Variants in STK31 observed in about 807,000 individuals in gnomAD.
STK31 encodes the protein serine/threonine-protein kinase 31.
Under a neutral mutation model 129.7 loss-of-function variants are expected in STK31, and 89 were observed. That is an observed-to-expected ratio of 0.69 (90% confidence interval 0.58 to 0.82). The LOEUF (loss-of-function observed/expected upper bound fraction) is 0.82, where lower values mean the gene tolerates loss of function less well. Among genes scored for constraint, STK31 ranks in the 40% least tolerant of loss-of-function variants. The pLI, the probability that STK31 is intolerant of heterozygous loss-of-function variation, is 0.00. For synonymous variants in STK31, 448 were observed against 395.3 expected (o/e 1.13, Z -1.58); for missense variants, 1,187 against 1,176.4 (o/e 1.01, Z -0.13).
chr7:23,747,752 G>A (rs962319336), intron 8 of STK31, among the ~76,000 whole-genome samples: 8 of 152,140 alleles, frequency 5.3e-5, no homozygotes, highest in Non-Finnish European at 8.8e-5. Flanking sequence ...AAATTTGTGG[G>A]ACTTGAGTTG....
At chr7:23,781,752 A>C (rs534863909) in intron 16 of STK31, among the ~76,000 whole-genome samples, 1 of 152,340 alleles carries the variant, frequency 6.6e-6, no homozygotes, top group East Asian at 1.9e-4. Context: ...AGAAGGAAAA[A>C]CATCACTTGT....
rs36053082 is a variant in STK31 at position 23,733,393 on chromosome 7, C to CT, written c.484-2128dup. Among the ~76,000 whole-genome samples the CT allele has an allele frequency of 1.0e-2, 1,255 of 125,732 alleles. 20 individuals are homozygous for CT. The highest frequency in any genetic ancestry group is 0.031 in the African/African-American group (1,044 of 33,930). 82.5% of individuals were successfully genotyped at this position (125,732 alleles called of 152,430 possible). On this transcript the variant is annotated intron_variant, in intron 6 of 23. Coordinates refer to ENST00000355870, the MANE Select transcript of STK31 (RefSeq NM_031414.5). ...ATAGCAAGACCCCATCTAAAAAATT[C>CT]TTTTTTTTTTTTTTTTTGGGTAGTG... is the stretch of plus-strand genomic sequence containing the variant.
rs1174158138 is a variant in STK31, at chr7:23,814,163, T to TTTTTTTTTTTTTTTTG, written c.2761-980_2761-979insTTTTTTTTTTTTTTGT. 2.0e-4 allele frequency among the ~76,000 whole-genome samples: 30 copies of TTTTTTTTTTTTTTTTG among 148,870 alleles called. 3 individuals are homozygous for TTTTTTTTTTTTTTTTG. Among genetic ancestry groups the TTTTTTTTTTTTTTTTG allele is most frequent in the Non-Finnish European group, 2.8e-4 (19 of 67,412 alleles). On this transcript the variant is annotated intron_variant, in intron 22 of 23. Coordinates refer to ENST00000355870, the MANE Select transcript of STK31 (RefSeq NM_031414.5). ...CTGGCTCACTTATTTTTTTTTTTTT[T>TTTTTTTTTTTTTTTTG]TCAGTTGGGAGGGTTATAAGACAAC...
At chr7:23,749,516 CTTT>C (rs751693855) in intron 8 of STK31, among the ~76,000 whole-genome samples, 45 of 130,808 alleles carry the variant, frequency 3.4e-4, no homozygotes, top group Non-Finnish European at 6.3e-4. Context: ...CTAATTTTTG[CTTT>C]TTTTTTTTTT....
intron 15 of STK31, among the ~76,000 whole-genome samples, chr7:23,773,717 TTGTGTGTG>T (rs1161112664): frequency 7.2e-6 from 1 of 138,462 alleles, no homozygotes; most frequent in Admixed American, 7.8e-5. Flanking sequence ...GTTTCCTGAC[TTGTGTGTG>T]TGTGTGTGAG....
intron 8 of STK31, 147 bp from the exon 9 acceptor site, chr7:23,752,570 A>G: frequency 3.1e-6 from 2 of 642,814 alleles, no homozygotes. Flanking sequence ...CAAACTTCTG[A>G]GCTCAAACCA....
At chr7:23,758,736 C>T (rs12700463) in intron 10 of STK31, among the ~76,000 whole-genome samples, 2 of 152,046 alleles carry the variant, frequency 1.3e-5, no homozygotes, top group African/African-American at 4.8e-5. Flanking sequence ...TACCCTGGAG[C>T]CATTCAGGAG....
intron 22 of STK31, among the ~76,000 whole-genome samples, chr7:23,809,102 CCTT>C (rs1792922499): frequency 6.6e-6 from 1 of 151,868 alleles, no homozygotes; most frequent in African/African-American, 2.4e-5. Context: ...AGCTACTTCA[CCTT>C]CTTCTTTCCA....
upstream of STK31, chr7:23,710,214 C>T (rs1041267328): frequency 4.3e-6 from 7 of 1,609,890 alleles, no homozygotes; most frequent in South Asian, 3.3e-5. Flanking sequence ...CAGTGTGGGG[C>T]CCTTGCGGTC....
rs1790159837 is a variant in STK31, at chr7:23,771,096, T to C, written c.1805T>C (p.Val602Ala). ...IHSEERLIAT[V>A]QAKYKDSIEF... is the part of the protein sequence containing the mutation. Reference sequence around the variant, plus strand: ...TCAGAGGAAAGGCTCATTGCCACAGTACAAGCTAAGTACAAGGACAGTATT... The same window carrying C: ...TCAGAGGAAAGGCTCATTGCCACAGCACAAGCTAAGTACAAGGACAGTATT... The change falls in exon 14 of 24, where the codon GTA becomes GCA. Residue 602 changes from valine (V) to alanine (A), a missense_variant. Physicochemically the swap from Val to Ala is moderately conservative, Grantham distance 64. Transcript: ENST00000355870. 1 of 1,612,420 alleles carries C rather than the reference T, an allele frequency of 6.2e-7. No homozygotes were observed. Among genetic ancestry groups the C allele is most frequent in the Non-Finnish European group, 8.5e-7 (1 of 1,179,224 alleles).
Position 23,788,016 on chromosome 7 carries a change from C to T in STK31, c.2524C>T (p.Leu842=), listed in dbSNP as rs1414069885. Residue 842 remains leucine (L), a synonymous_variant, in exon 21 of 24, where the codon CTG becomes TTG. Coordinates refer to ENST00000355870, the MANE Select transcript of STK31 (RefSeq NM_031414.5). ...GGTCATGAAAGGTGTTGCCCAGGGT[C>T]TGCATACATTGCATAAGGCTGACAT... is the stretch of plus-strand genomic sequence containing the variant. ...LKVMKGVAQG[L]HTLHKADIIH... The T allele has an allele frequency of 9.3e-6, 15 of 1,608,262 alleles. No homozygotes were observed. The highest frequency in any genetic ancestry group is 1.3e-5 in the Non-Finnish European group (15 of 1,177,256).
chr7:23,775,537 T>G (rs1356537130), intron 15 of STK31, among the ~76,000 whole-genome samples: 1 of 152,178 alleles, frequency 6.6e-6, no homozygotes, highest in Non-Finnish European at 1.5e-5. Context: ...CTTGAAGAGG[T>G]CCTTCACATA....
chr7:23,792,625 AT>A (rs1791708595), intron 22 of STK31, among the ~76,000 whole-genome samples: 1 of 152,226 alleles, frequency 6.6e-6, no homozygotes, highest in Non-Finnish European at 1.5e-5. Flanking sequence ...TACAATTAAT[AT>A]AAAAATGGAG....
intron 22 of STK31, among the ~76,000 whole-genome samples, chr7:23,797,597 G>A (rs1170883388): frequency 6.6e-6 from 1 of 152,186 alleles, no homozygotes; most frequent in Non-Finnish European, 1.5e-5. Flanking sequence ...GAATCTCTGG[G>A]ACACAGCTAA....
At chr7:23,775,348 T>A (rs1790470586) in intron 15 of STK31, among the ~76,000 whole-genome samples, 1 of 152,182 alleles carries the variant, frequency 6.6e-6, no homozygotes, top group Admixed American at 6.5e-5. Flanking sequence ...AAAGTAGTTT[T>A]AAAAAAATTC....
chr7:23,820,104 T>C (rs1053240562), intron 23 of STK31, among the ~76,000 whole-genome samples: 7 of 152,226 alleles, frequency 4.6e-5, no homozygotes, highest in African/African-American at 1.2e-4. Context: ...AGATTTCAGC[T>C]ATGATTTTTT....
rs1212633244 is a variant in STK31 at position 23,762,818 on chromosome 7, G to A, written c.1311G>A (p.Leu437=). 6.2e-7 allele frequency: 1 copy of A among 1,608,948 alleles called. No individual in the cohort carries two copies. Among genetic ancestry groups the A allele is most frequent in the South Asian group, 1.1e-5 (1 of 89,438 alleles). The change falls in exon 11 of 24, where the codon TTG becomes TTA. Residue 437 remains leucine, a synonymous_variant. Coordinates refer to ENST00000355870, the MANE Select transcript of STK31 (RefSeq NM_031414.5). ...TCEYVSEGNI[L]IAQRNEMQQK... ...TCCTCCAGAGTGAAGGGAATATTTT[G>A]ATTGCCCAAAGAAATGAAATGCAGC... is the stretch of plus-strand genomic sequence containing the variant.
At chr7:23,765,046 T>C (rs1280326649) in intron 11 of STK31, among the ~76,000 whole-genome samples, 2 of 151,942 alleles carry the variant, frequency 1.3e-5, no homozygotes, top group Non-Finnish European at 2.9e-5. Flanking sequence ...TTTTTTCTAT[T>C]TTTATTTTAT....
At chr7:23,765,086 C>T (rs935327715) in intron 11 of STK31, among the ~76,000 whole-genome samples, 1 of 151,930 alleles carries the variant, frequency 6.6e-6, no homozygotes, top group Non-Finnish European at 1.5e-5. Context: ...GATGGAGTCT[C>T]GCTCTGTCGC....
Sources: gnomAD v4.1 joint callset for allele counts (sites outside exome capture counted in the v4.1 genomes callset) on GRCh38, gnomAD v4.1.1 for gene constraint, MANE v1.5 for transcripts, NCBI Gene and HGNC (gene_info 2026-07-23, HGNC 2026-07-21) for gene names.